The following ANKRD6 variants were observed in gnomAD, a reference collection of about 807,000 sequenced individuals.
The protein encoded by ANKRD6 is ankyrin repeat domain-containing protein 6.
A neutral mutation model predicts 82.3 loss-of-function variants in ANKRD6; 56 were observed. That is an observed-to-expected ratio of 0.68 (90% confidence interval 0.55 to 0.85). ANKRD6 has a LOEUF of 0.85. Among genes scored for constraint, ANKRD6 ranks in the 40% least tolerant of loss-of-function variants. ANKRD6 has a pLI of 0.00. For missense variants in ANKRD6, 852 were observed against 907.6 expected, an observed-to-expected ratio of 0.94 and a Z score of 0.79; for synonymous variants, 347 against 352.1, an observed-to-expected ratio of 0.99 and a Z score of 0.16.
intron 1 of ANKRD6, among the ~76,000 whole-genome samples, chr6:89,519,080 T>TG (rs1781580889): frequency 6.6e-6 from 1 of 152,208 alleles, no homozygotes. Flanking sequence ...TAACCTTAGT[T>TG]ACCTCTTTAA....
chr6:89,628,860 AC>A, intron 14 of ANKRD6: 1 of 471,486 alleles, frequency 2.1e-6, no homozygotes, highest in Middle Eastern at 6.1e-4. Flanking sequence ...TGAGGCATTC[AC>A]CCCCTTGACA....
At chr6:89,615,267 C>T (rs184898088) in intron 7 of ANKRD6, among the ~76,000 whole-genome samples, 1 of 152,216 alleles carries the variant, frequency 6.6e-6, no homozygotes, top group East Asian at 1.9e-4. Context: ...GAATACTGTT[C>T]CTGGATCCCA....
Position 89,631,194 on chromosome 6 carries a change from CTG to C in ANKRD6, c.*191_*192del. 1 of 1,061,284 alleles carries C rather than the reference CTG, an allele frequency of 9.4e-7. No homozygotes were observed. The highest frequency in any genetic ancestry group is 1.6e-5 in the African/African-American group (1 of 62,220). 65.7% of individuals were successfully genotyped at this position (1,061,284 alleles called of 1,614,324 possible). A position where few individuals can be genotyped will look rare whatever the true frequency, so the allele number is the denominator to read the frequency against. The stretch of plus-strand genomic sequence containing the variant: ...AGTTATGAAGACTTCAACAATTAAA[CTG>C]AAACCAGGGGAAGCTTGCTTAGTTT... On this transcript the variant is annotated 3_prime_UTR_variant, in exon 16 of 16. Transcript: ENST00000339746.
At chr6:89,539,434 T>G (rs901487928) in intron 1 of ANKRD6, among the ~76,000 whole-genome samples, 8 of 152,158 alleles carry the variant, frequency 5.3e-5, no homozygotes, top group African/African-American at 1.9e-4. Flanking sequence ...TTAAAAATTT[T>G]TAATATGAAA....
At chr6:89,474,398 C>G (rs2127794230) in intron 1 of ANKRD6, among the ~76,000 whole-genome samples, 2 of 152,266 alleles carry the variant, frequency 1.3e-5, no homozygotes, top group Admixed American at 1.3e-4. Context: ...TAACAGAGGT[C>G]ATAAAGGCAT....
chr6:89,469,057 C>G (rs56197602), intron 1 of ANKRD6, among the ~76,000 whole-genome samples: 8,582 of 152,182 alleles, frequency 0.056, 269 homozygotes, highest in South Asian at 0.13. Flanking sequence ...CTTTCCTATA[C>G]CCAGCTCAAA....
intron 1 of ANKRD6, among the ~76,000 whole-genome samples, chr6:89,498,529 T>A (rs1048660293): frequency 5.7e-4 from 87 of 151,984 alleles, no homozygotes; most frequent in African/African-American, 2.0e-3. Flanking sequence ...TATATATATT[T>A]TTTTTTACCT....
intron 1 of ANKRD6, among the ~76,000 whole-genome samples, chr6:89,548,735 TTTG>T (rs1201695568): frequency 6.6e-6 from 1 of 152,220 alleles, no homozygotes; most frequent in Non-Finnish European, 1.5e-5. Context: ...CCTTTGGAGC[TTTG>T]TTATTATTTT....
chr6:89,610,301 G>A (rs372558118), intron 5 of ANKRD6, among the ~76,000 whole-genome samples: 8 of 152,194 alleles, frequency 5.3e-5, no homozygotes, highest in Admixed American at 3.3e-4. Flanking sequence ...GGGCAACCAC[G>A]GATCTGTTTT....
At chr6:89,573,965 T>C (rs1248374696) in intron 2 of ANKRD6, among the ~76,000 whole-genome samples, 1 of 152,158 alleles carries the variant, frequency 6.6e-6, no homozygotes, top group Non-Finnish European at 1.5e-5. Context: ...GTAACCTTGT[T>C]CTCTATGCAT....
At chr6:89,528,794 T>G (rs919246055) in intron 1 of ANKRD6, among the ~76,000 whole-genome samples, 1 of 152,252 alleles carries the variant, frequency 6.6e-6, no homozygotes, top group Admixed American at 6.5e-5. Context: ...TTAGTAGGCA[T>G]GAAAACAACA....
intron 1 of ANKRD6, among the ~76,000 whole-genome samples, chr6:89,455,383 G>A (rs1773380374): frequency 6.6e-6 from 1 of 152,032 alleles, no homozygotes; most frequent in Non-Finnish European, 1.5e-5. Flanking sequence ...TTCACATGGT[G>A]AGAATGGGAG....
chr6:89,598,949 TG>T (rs1220963444), intron 3 of ANKRD6, among the ~76,000 whole-genome samples: 1 of 152,166 alleles, frequency 6.6e-6, no homozygotes, highest in Non-Finnish European at 1.5e-5. Context: ...GGAAGCAGCT[TG>T]GGGTGAGTGC....
chr6:89,578,286 C>CTTTTT lies in ANKRD6; in HGVS notation c.120+11212_120+11216dup, dbSNP rs71024383. Among the ~76,000 whole-genome samples, 20 of 119,098 alleles carry CTTTTT rather than the reference C, an allele frequency of 1.7e-4. 8 individuals are homozygous for CTTTTT. Among genetic ancestry groups the CTTTTT allele is most frequent in the Non-Finnish European group, 1.4e-4 (8 of 58,470 alleles). 78.1% of individuals were successfully genotyped at this position (119,098 alleles called of 152,430 possible). On this transcript the variant is annotated intron_variant, in intron 2 of 15. Transcript: ENST00000339746. ...ATTAGCTTTTTCCCCCTCCCGCCTCCTTTTTTTTTTTTTTTTTTTTTTTTT... is the reference window on the plus strand; with the variant it reads ...ATTAGCTTTTTCCCCCTCCCGCCTCCTTTTTTTTTTTTTTTTTTTTTTTTTTTTTT...
chr6:89,562,673 A>G (rs1787632542), intron 1 of ANKRD6: 1 of 152,228 alleles, frequency 6.6e-6, no homozygotes, highest in Non-Finnish European at 1.5e-5. Context: ...AGCAAGCCAC[A>G]AAACATTGCA....
chr6:89,470,163 C>T (rs1326210237), intron 1 of ANKRD6, among the ~76,000 whole-genome samples: 1 of 152,150 alleles, frequency 6.6e-6, no homozygotes, highest in African/African-American at 2.4e-5. Flanking sequence ...TCATGACACA[C>T]AATTTTGTAT....
At chr6:89,444,669 T>C (rs1470811199) in intron 1 of ANKRD6, among the ~76,000 whole-genome samples, 1 of 152,208 alleles carries the variant, frequency 6.6e-6, no homozygotes, top group Non-Finnish European at 1.5e-5. Flanking sequence ...ATAGGGACTT[T>C]AGAAATTCTA....
At chr6:89,488,046 C>T (rs1476914773) in intron 1 of ANKRD6, among the ~76,000 whole-genome samples, 1 of 152,134 alleles carries the variant, frequency 6.6e-6, no homozygotes, top group African/African-American at 2.4e-5. Context: ...TAAGTCCTGG[C>T]CCAGGATGCT....
At chr6:89,581,940 G>A (rs1048548836) in intron 2 of ANKRD6, among the ~76,000 whole-genome samples, 5 of 152,294 alleles carry the variant, frequency 3.3e-5, no homozygotes, top group Non-Finnish European at 4.4e-5. Flanking sequence ...GAGGGTATAC[G>A]GTTACATGGC....
Sources: allele counts gnomAD v4.1 joint callset (sites outside exome capture counted in the v4.1 genomes callset), GRCh38; gene constraint gnomAD v4.1.1; transcripts MANE v1.5; gene names NCBI Gene and HGNC (gene_info 2026-07-23, HGNC 2026-07-21).